TAMM41: variants seen among roughly 807,000 people sequenced by gnomAD.
TAMM41 encodes phosphatidate cytidylyltransferase, mitochondrial.
TAMM41 carries 36 observed loss-of-function variants against 44.1 expected under a neutral mutation model. The observed-to-expected ratio is 0.82, with a 90% CI of 0.63 to 1.08. The LOEUF is 1.08. Among genes scored for constraint, TAMM41 ranks in the 50% least tolerant of loss-of-function variants. The probability of loss-of-function intolerance (pLI) is 0.00; values close to 1 mark genes in which losing one functional copy is unlikely to be tolerated. For synonymous variants in TAMM41, 164 were observed against 153.1 expected (o/e 1.07, Z -0.53); for missense variants, 417 against 404.3 (o/e 1.03, Z -0.27).
chr3:11,740,211 G>T, the TAMM41 span, among the ~76,000 whole-genome samples: 1 of 152,046 alleles, frequency 6.6e-6, no homozygotes, highest in East Asian at 1.9e-4. Flanking sequence ...ATGAAGATGC[G>T]TGTCATTACT....
At chr3:11,810,187 T>G (rs1301152461) in intron 5 of TAMM41, 1 of 152,542 alleles carries the variant, frequency 6.6e-6, no homozygotes, top group South Asian at 2.1e-4. Flanking sequence ...ACTGTAGGAA[T>G]ACACTGATGA....
chr3:11,805,214 C>G (rs1210697871), intron 7 of TAMM41, among the ~76,000 whole-genome samples: 1 of 152,058 alleles, frequency 6.6e-6, no homozygotes, highest in Non-Finnish European at 1.5e-5. Context: ...GTTGCCCAGG[C>G]TGGTCTCAAA....
At chr3:11,821,110 A>C (rs1276561986) in intron 4 of TAMM41, among the ~76,000 whole-genome samples, 1 of 152,236 alleles carries the variant, frequency 6.6e-6, no homozygotes, top group Non-Finnish European at 1.5e-5. Context: ...GAGTTAGGGC[A>C]GCAGTCCCCA....
chr3:11,772,547 A>C, the TAMM41 span, among the ~76,000 whole-genome samples: 2 of 151,894 alleles, frequency 1.3e-5, no homozygotes, highest in Non-Finnish European at 2.9e-5. Flanking sequence ...TTAATGGCTG[A>C]GTATATCCAT....
the TAMM41 span, among the ~76,000 whole-genome samples, chr3:11,732,998 TTGTTTG>T: frequency 6.6e-5 from 6 of 90,882 alleles, no homozygotes; most frequent in East Asian, 7.5e-4. Context: ...AGTTTTTTTT[TTGTTTG>T]TTTGTTTGTT....
At chr3:11,722,718 C>G in the TAMM41 span, among the ~76,000 whole-genome samples, 1 of 152,190 alleles carries the variant, frequency 6.6e-6, no homozygotes, top group Non-Finnish European at 1.5e-5. Context: ...CACCTGTAAT[C>G]CCAGCACTTT....
chr3:11,757,473 C>T, the TAMM41 span, among the ~76,000 whole-genome samples: 1 of 152,106 alleles, frequency 6.6e-6, no homozygotes, highest in African/African-American at 2.4e-5. Flanking sequence ...GTCACCTGTC[C>T]CTGGAGAGCT....
intron 4 of TAMM41, among the ~76,000 whole-genome samples, chr3:11,821,421 T>G (rs1370382089): frequency 6.6e-6 from 1 of 152,154 alleles, no homozygotes; most frequent in Non-Finnish European, 1.5e-5. Context: ...ATATATGCAG[T>G]TCAAATAGGT....
intron 7 of TAMM41, chr3:11,807,315 A>T: frequency 6.9e-7 from 1 of 1,446,988 alleles, no homozygotes; most frequent in South Asian, 1.5e-5. Context: ...CGTACATTTG[A>T]TGAGGGTGGG....
At chr3:11,781,490 T>A in the TAMM41 span, among the ~76,000 whole-genome samples, 1 of 152,076 alleles carries the variant, frequency 6.6e-6, no homozygotes, top group Non-Finnish European at 1.5e-5. Flanking sequence ...ATCCCAGCAC[T>A]TTGGGAGGCC....
rs891552132 is a variant in TAMM41 at position 11,839,372 on chromosome 3, A to T, written c.319-58T>A. 16 of 1,127,538 alleles carry T rather than the reference A, an allele frequency of 1.4e-5. No homozygotes were observed. In the East Asian group the frequency reaches 3.8e-4, roughly 27 times the overall value. The allele number at this position is 1,127,538 out of a possible 1,614,324, so 69.8% of individuals were successfully genotyped here. On this transcript the variant is annotated intron_variant, in intron 2 of 7. Coordinates refer to ENST00000455809, the MANE Select transcript of TAMM41 (RefSeq NM_001284401.2). ...TAAAATACCATGTTATTGCTTATAC[A>T]AGTATAAAATATAAGGAAACAGATA... is the stretch of plus-strand genomic sequence containing the variant.
At chr3:11,819,059 G>C (rs956839723) in intron 4 of TAMM41, among the ~76,000 whole-genome samples, 1 of 152,152 alleles carries the variant, frequency 6.6e-6, no homozygotes, top group Non-Finnish European at 1.5e-5. Context: ...AAGGGAAAGA[G>C]AGTTAGATAG....
chr3:11,795,109 G>A (rs1037077901), intron 7 of TAMM41, among the ~76,000 whole-genome samples: 12 of 152,106 alleles, frequency 7.9e-5, no homozygotes, highest in Admixed American at 4.6e-4. Context: ...CTGTGTTCCC[G>A]GAAAAGGCTG....
the TAMM41 span, among the ~76,000 whole-genome samples, chr3:11,772,218 C>A: frequency 7.3e-5 from 11 of 151,352 alleles, no homozygotes; most frequent in Non-Finnish European, 1.3e-4. Flanking sequence ...CTACAGGCGC[C>A]TGCCACCACA....
At chr3:11,836,525 G>A (rs896618772) in intron 3 of TAMM41, among the ~76,000 whole-genome samples, 14 of 152,038 alleles carry the variant, frequency 9.2e-5, no homozygotes, top group Admixed American at 2.0e-4. Flanking sequence ...GTGCAGTAGC[G>A]CAATCTCGGC....
At chr3:11,805,734 TC>T (rs2077888938) in intron 7 of TAMM41, among the ~76,000 whole-genome samples, 1 of 152,224 alleles carries the variant, frequency 6.6e-6, no homozygotes, top group East Asian at 1.9e-4. Context: ...GAAAGATCAC[TC>T]CCCTTTTTGG....
Position 11,809,702 on chromosome 3 carries a change from GA to G in TAMM41, c.709-21del, listed in dbSNP as rs1328812627. On this transcript the variant is annotated intron_variant, in intron 5 of 7. Transcript: ENST00000455809. ...ATCTATCTGAAGGGAGGAAAAAAAA[GA>G]CGACGTCTATGGAAGTGCTTTAAAT... 1.3e-6 allele frequency: 2 copies of G among 1,588,960 alleles called. No individual in the cohort carries two copies. The highest frequency in any genetic ancestry group is 3.9e-5 in the Admixed American group (2 of 50,802).
At chr3:11,806,105 C>A (rs2077901976) in intron 7 of TAMM41, among the ~76,000 whole-genome samples, 1 of 152,228 alleles carries the variant, frequency 6.6e-6, no homozygotes, top group East Asian at 1.9e-4. Flanking sequence ...ACACCCCCAG[C>A]CATGTGGAAC....
At chr3:11,774,727 C>T in the TAMM41 span, among the ~76,000 whole-genome samples, 2 of 152,144 alleles carry the variant, frequency 1.3e-5, no homozygotes, top group African/African-American at 4.8e-5. Context: ...CTTTCTGGTT[C>T]ATAGATGGCC....
Sources: gnomAD v4.1 joint callset for allele counts (sites outside exome capture counted in the v4.1 genomes callset) on GRCh38, gnomAD v4.1.1 for gene constraint, MANE v1.5 for transcripts, NCBI Gene and HGNC (gene_info 2026-07-23, HGNC 2026-07-21) for gene names.